SMURF2: variants seen among roughly 807,000 people sequenced by gnomAD.
SMURF2 encodes the protein SMAD specific E3 ubiquitin protein ligase 2.
A neutral mutation model predicts 109.6 loss-of-function variants in SMURF2; 48 were observed. The observed-to-expected ratio is 0.44, with a 90% confidence interval of 0.35 to 0.56. The LOEUF (loss-of-function observed/expected upper bound fraction) is 0.56, where lower values mean the gene tolerates loss of function less well. SMURF2 is among the 20% of genes least tolerant of loss of function. The probability of loss-of-function intolerance (pLI) is 0.01; values close to 1 mark genes in which losing one functional copy is unlikely to be tolerated. For missense variants in SMURF2, 575 were observed against 909.0 expected (o/e 0.63, Z 4.72); for synonymous variants, 288 against 317.1 (o/e 0.91, Z 0.97).
chr17:64,647,679 T>TAA (rs782754711), intron 1 of SMURF2, among the ~76,000 whole-genome samples: 6 of 121,606 alleles, frequency 4.9e-5, no homozygotes, highest in East Asian at 2.4e-4. Flanking sequence ...AGACTCTGTC[T>TAA]AAAAAAAAAA....
chr17:64,557,291 GTCTT>G (rs1329096328), intron 13 of SMURF2, among the ~76,000 whole-genome samples: 1 of 152,186 alleles, frequency 6.6e-6, no homozygotes, highest in African/African-American at 2.4e-5. Flanking sequence ...ACCACGACAC[GTCTT>G]TCTAATTCCA....
chr17:64,557,788 TTAAC>T (rs1215808986), intron 12 of SMURF2, 66 bp from the exon 13 acceptor site: 35 of 796,476 alleles, frequency 4.4e-5, no homozygotes, highest in South Asian at 1.4e-4. Flanking sequence ...AGATATGTCA[TTAAC>T]TAATCATTTT....
Position 64,659,163 on chromosome 17 carries a change from G to A in SMURF2, c.52+2666C>T, listed in dbSNP as rs1236112584. Among the ~76,000 whole-genome samples the A allele has an allele frequency of 2.6e-5, 4 of 151,924 alleles. No individual in the cohort carries two copies. In the East Asian group the frequency reaches 7.7e-4, roughly 29 times the overall value. On this transcript the variant is annotated intron_variant, in intron 1 of 18. Transcript: ENST00000262435. ...AGAGAGTGTGTATGAGTGTGTGAGT[G>A]TGTGTGTGTGAGTGTGTGCATCACC...
intron 12 of SMURF2, among the ~76,000 whole-genome samples, chr17:64,558,010 T>C (rs1555684190): frequency 6.6e-6 from 1 of 152,214 alleles, no homozygotes; most frequent in African/African-American, 2.4e-5. Context: ...ACTCACGAGA[T>C]GATACGGTCC....
At chr17:64,661,431 G>A (rs1359907575) in intron 1 of SMURF2, among the ~76,000 whole-genome samples, 1 of 152,118 alleles carries the variant, frequency 6.6e-6, no homozygotes, top group African/African-American at 2.4e-5. Flanking sequence ...ACTGCGCGCA[G>A]TCAGCAACCG....
chr17:64,622,219 A>G lies in SMURF2; in HGVS notation c.53-15579T>C, dbSNP rs974530608. ...AATGTAATAAACTTTTTATTTTAGA[A>G]TAGTTTCAGATTTACAGAAAAGTTA... On this transcript the variant is annotated intron_variant, in intron 1 of 18. Transcript: ENST00000262435. Among the ~76,000 whole-genome samples the G allele has an allele frequency of 3.3e-5, 5 of 151,926 alleles. No individual in the cohort carries two copies. The East Asian group carries it at 5.8e-4, about 18-fold the overall frequency.
At chr17:64,557,499 AG>A (rs1969139402) in intron 13 of SMURF2, 108 bp downstream of exon 13, 2 of 749,712 alleles carry the variant, frequency 2.7e-6, no homozygotes, top group Non-Finnish European at 4.4e-6. Flanking sequence ...GCTGAGTCAA[AG>A]GGCACAACTA....
At chr17:64,560,562 C>T (rs1360123992) in intron 12 of SMURF2, among the ~76,000 whole-genome samples, 2 of 152,148 alleles carry the variant, frequency 1.3e-5, no homozygotes, top group African/African-American at 2.4e-5. Context: ...AGAATTACCA[C>T]AATGATCCTT....
intron 2 of SMURF2, among the ~76,000 whole-genome samples, chr17:64,602,227 C>T (rs1321490259): frequency 6.6e-6 from 1 of 151,978 alleles, no homozygotes. Flanking sequence ...GTACAGTGTA[C>T]ACTGCTTGGG....
At chr17:64,628,828 G>A (rs1177927579) in intron 1 of SMURF2, among the ~76,000 whole-genome samples, 1 of 152,120 alleles carries the variant, frequency 6.6e-6, no homozygotes, top group Admixed American at 6.5e-5. Flanking sequence ...CTCTTCAGAT[G>A]AGGACCTCAC....
At chr17:64,566,598 G>C (rs1482027842) in intron 10 of SMURF2, among the ~76,000 whole-genome samples, 5 of 21,762 alleles carry the variant, frequency 2.3e-4, no homozygotes, top group Non-Finnish European at 4.9e-4. Flanking sequence ...TTTTGAGACA[G>C]TCTCGCTGTG....
intron 2 of SMURF2, among the ~76,000 whole-genome samples, chr17:64,600,266 G>A (rs1167208184): frequency 2.0e-5 from 3 of 152,150 alleles, no homozygotes; most frequent in Non-Finnish European, 4.4e-5. Flanking sequence ...TTGTATCAAA[G>A]ATGACAATAC....
At position 64,545,737 on chromosome 17, in the gene SMURF2, G is replaced by A. The variant is rs1361576268; in HGVS notation, c.*111C>T. ...AATGTAAAAAAAAAAAAAAAAAGGG[G>A]GGGGGGGGGAGTGTTTTCCTGTATT... On this transcript the variant is annotated 3_prime_UTR_variant, in exon 19 of 19. Coordinates refer to ENST00000262435, the MANE Select transcript of SMURF2 (RefSeq NM_022739.4). 3.8e-5 allele frequency: 13 copies of A among 338,542 alleles called. No homozygotes were observed. The highest frequency in any genetic ancestry group is 3.3e-4 in the East Asian group (7 of 21,152). 21.0% of individuals were successfully genotyped at this position (338,542 alleles called of 1,614,324 possible). A position where few individuals can be genotyped will look rare whatever the true frequency, so the allele number is the denominator to read the frequency against.
At chr17:64,615,807 GTATT>G (rs1422196106) in intron 1 of SMURF2, among the ~76,000 whole-genome samples, 2 of 152,176 alleles carry the variant, frequency 1.3e-5, no homozygotes, top group Admixed American at 6.5e-5. Flanking sequence ...TTATGTAAAT[GTATT>G]TATTTATTGA....
At chr17:64,582,024 G>A (rs1969584781) in intron 7 of SMURF2, among the ~76,000 whole-genome samples, 1 of 151,796 alleles carries the variant, frequency 6.6e-6, no homozygotes, top group South Asian at 2.1e-4. Flanking sequence ...AGAAATTCAA[G>A]CTAATTTTAC....
intron 5 of SMURF2, among the ~76,000 whole-genome samples, chr17:64,590,139 C>CTTTT (rs1441728481): frequency 1.5e-5 from 2 of 133,602 alleles, no homozygotes; most frequent in Non-Finnish European, 1.5e-5. Flanking sequence ...TTGAATTTTT[C>CTTTT]TTTTCTTTTT....
Position 64,547,514 on chromosome 17 carries a change from A to G in SMURF2, c.2071+86T>C. On this transcript the variant is annotated intron_variant, in intron 17 of 18. Transcript: ENST00000262435. The surrounding 1 kb of genome is among the most constrained non-coding windows in gnomAD (Gnocchi z 4.2). ...AGTGAAAAAGAGAATCTCTAAGCAC[A>G]TGGTTTACAAAATATCTCCACAGAC... 2 of 1,115,808 alleles carry G rather than the reference A, an allele frequency of 1.8e-6. No individual in the cohort carries two copies. The highest frequency in any genetic ancestry group is 2.7e-6 in the Non-Finnish European group (2 of 740,746). The allele number at this position is 1,115,808 out of a possible 1,614,324, so 69.1% of individuals were successfully genotyped here.
intron 1 of SMURF2, among the ~76,000 whole-genome samples, chr17:64,611,513 C>T (rs543775149): frequency 1.3e-5 from 2 of 152,266 alleles, no homozygotes; most frequent in East Asian, 3.9e-4. Flanking sequence ...CTTTCCACTC[C>T]ACTACCCAAG....
intron 3 of SMURF2, among the ~76,000 whole-genome samples, chr17:64,596,585 C>CAAAAAAAAAAA (rs201858792): frequency 4.4e-5 from 2 of 45,466 alleles, no homozygotes; most frequent in African/African-American, 6.3e-5. Flanking sequence ...GGAGAGTAAA[C>CAAAAAAAAAAA]AAAAAAAAAA....
Sources: allele counts gnomAD v4.1 joint callset (sites outside exome capture counted in the v4.1 genomes callset), GRCh38; gene constraint gnomAD v4.1.1; non-coding constraint Gnocchi (gnomAD v3.1); transcripts MANE v1.5; gene names NCBI Gene and HGNC (gene_info 2026-07-23, HGNC 2026-07-21).